Variants in CSMD2 observed in about 807,000 individuals in gnomAD.
CSMD2 encodes CUB and Sushi multiple domains 2.
A neutral mutation model predicts 398.5 loss-of-function variants in CSMD2; 130 were observed. The observed-to-expected ratio is 0.33, with a 90% CI of 0.28 to 0.38. The LOEUF (loss-of-function observed/expected upper bound fraction) is 0.38. CSMD2 is among the 10% of genes least tolerant of loss of function. The pLI, the probability that CSMD2 is intolerant of heterozygous loss-of-function variation, is 1.00. For missense variants in CSMD2, 3,829 were observed against 4,764.9 expected, an observed-to-expected ratio of 0.80 and a Z score of 5.78; for synonymous variants, 1,828 against 1,908.5, an observed-to-expected ratio of 0.96 and a Z score of 1.10.
rs769222389 is a variant in CSMD2, at chr1:33,559,222, T to G, written c.8554+78A>C. Reference sequence around the variant, plus strand: ...CAGAATGATGCCAGAATGAATTCACTGGCTTCTTTTTCTGAGCTACAGAAC... The same window carrying G: ...CAGAATGATGCCAGAATGAATTCACGGGCTTCTTTTTCTGAGCTACAGAAC... On this transcript the variant is annotated intron_variant, in intron 54 of 70. Coordinates refer to ENST00000373381, the MANE Select transcript of CSMD2 (RefSeq NM_001281956.2). This position sits in a 1 kb window ranked among gnomAD's most constrained non-coding sequence, Gnocchi z 4.0. 2.0e-5 allele frequency: 27 copies of G among 1,322,614 alleles called. No individual in the cohort carries two copies. Among genetic ancestry groups the G allele is most frequent in the African/African-American group, 2.9e-5 (2 of 68,884 alleles). 81.9% of individuals were successfully genotyped at this position (1,322,614 alleles called of 1,614,324 possible).
At chr1:34,044,789 G>A (rs1652289299) in intron 2 of CSMD2, among the ~76,000 whole-genome samples, 1 of 152,156 alleles carries the variant, frequency 6.6e-6, no homozygotes, top group Non-Finnish European at 1.5e-5. Flanking sequence ...ATTTAAGGCT[G>A]TTAGCACATC....
chr1:33,539,301 C>T lies in CSMD2; in HGVS notation c.9631+1224G>A, dbSNP rs115231807. On this transcript the variant is annotated intron_variant, in intron 60 of 70. Transcript: ENST00000373381. ...ATTTTCAGGAATACATATTGCAGAA[C>T]TGCTTCTAACGTGATTAAGTTGGAG... is the stretch of plus-strand genomic sequence containing the variant. Among the ~76,000 whole-genome samples the T allele has an allele frequency of 8.8e-3, 1,337 of 152,270 alleles. 14 individuals are homozygous for T. Among genetic ancestry groups the T allele is most frequent in the Non-Finnish European group, 0.012 (797 of 68,022 alleles).
chr1:33,540,665 T>A lies in CSMD2; in HGVS notation c.9491A>T (p.Asn3164Ile). The change falls in exon 60 of 71, where the codon AAT (asparagine) becomes ATT (isoleucine). Residue 3164 changes from asparagine to isoleucine, a missense_variant. Asn to Ile is a moderately radical substitution (Grantham distance 149). This residue lies in a region of CSMD2 where 917 missense variants were observed against 1,199.5 expected (regional missense o/e 0.76). Transcript: ENST00000373381. The stretch of plus-strand genomic sequence containing the variant: ...GAAGTCAGACCCCACCACCTTCCCA[T>A]TGGGGATGAGCGGAGGTGGCTTGCA... ...LMCKPPPLIP[N>I]GKVVGSDFMW... 6.2e-7 allele frequency: 1 copy of A among 1,614,062 alleles called. No homozygotes were observed. Among genetic ancestry groups the A allele is most frequent in the Non-Finnish European group, 8.5e-7 (1 of 1,179,980 alleles).
chr1:33,798,660 C>G (rs1655237111), intron 10 of CSMD2, among the ~76,000 whole-genome samples: 1 of 152,136 alleles, frequency 6.6e-6, no homozygotes, highest in Non-Finnish European at 1.5e-5. Context: ...CGATGGGAAG[C>G]TATAATTCAG....
At chr1:33,925,166 T>A (rs1266393565) in intron 4 of CSMD2, among the ~76,000 whole-genome samples, 1 of 152,168 alleles carries the variant, frequency 6.6e-6, no homozygotes, top group East Asian at 1.9e-4. Flanking sequence ...TTTCTTCCAG[T>A]AGTTTTATAG....
At chr1:33,663,235 G>A in intron 25 of CSMD2, 143 bp from the exon 26 acceptor site, 1 of 642,780 alleles carries the variant, frequency 1.6e-6, no homozygotes, top group Non-Finnish European at 2.7e-6. Context: ...GGGGAGAGAA[G>A]GCAGCGTCTG....
intron 3 of CSMD2, among the ~76,000 whole-genome samples, chr1:33,937,988 T>A (rs1251197797): frequency 5.3e-5 from 8 of 152,260 alleles, no homozygotes; most frequent in Non-Finnish European, 1.0e-4. Context: ...CATATGTGCA[T>A]GTTCATTAAT....
At chr1:33,759,923 T>C (rs1461329165) in intron 13 of CSMD2, among the ~76,000 whole-genome samples, 1 of 152,196 alleles carries the variant, frequency 6.6e-6, no homozygotes, top group African/African-American at 2.4e-5. Flanking sequence ...GTAGCAGCTA[T>C]TCATGAAACT....
At position 33,537,150 on chromosome 1, in the gene CSMD2, T is replaced by C; in HGVS notation, c.9806-55A>G. On this transcript the variant is annotated intron_variant, in intron 61 of 70. Transcript: ENST00000373381. This position sits in a 1 kb window ranked among gnomAD's most constrained non-coding sequence, Gnocchi z 4.6. The stretch of plus-strand genomic sequence containing the variant: ...CATGGTCATGGAAGCCTTCACGGCC[T>C]CATCTCACTCTGGGAAATAGGTGTA... 3.2e-6 allele frequency: 5 copies of C among 1,575,090 alleles called. No individual in the cohort carries two copies. The highest frequency in any genetic ancestry group is 4.4e-6 in the Non-Finnish European group (5 of 1,144,698).
Position 34,132,243 on chromosome 1 carries a change from C to T in CSMD2, c.187+32668G>A, listed in dbSNP as rs79550526. Among the ~76,000 whole-genome samples, 7 of 152,220 alleles carry T rather than the reference C, an allele frequency of 4.6e-5. No homozygotes were observed. In the East Asian group the frequency reaches 5.8e-4, roughly 13 times the overall value. On this transcript the variant is annotated intron_variant, in intron 1 of 70. Transcript: ENST00000373381. ...GGAGAATGGGAGACCTGTGGCACCT[C>T]GTCCTGCTGACCCTTAGTCAGCTTT...
Position 33,810,795 on chromosome 1 carries a change from T to C in CSMD2, c.1394A>G (p.Tyr465Cys). ...CCACACACAGTGTGCATTGTTGTCA[T>C]ACTGAATGGGGAAATTGGGGGAGGT... ...IITSPNFPIQ[Y>C]DNNAHCVWII... Residue 465 changes from tyrosine to cysteine, a missense_variant, in exon 10 of 71, where the codon TAT becomes TGT. Physicochemically the swap from Tyr to Cys is radical, Grantham distance 194. Transcript: ENST00000373381. The C allele has an allele frequency of 6.2e-7, 1 of 1,612,758 alleles. No homozygotes were observed. The highest frequency in any genetic ancestry group is 2.2e-5 in the East Asian group (1 of 44,692).
At chr1:33,704,039 AG>A (rs1239440666) in intron 22 of CSMD2, among the ~76,000 whole-genome samples, 3 of 152,168 alleles carry the variant, frequency 2.0e-5, no homozygotes, top group African/African-American at 7.2e-5. Flanking sequence ...CATTTATTTT[AG>A]TTACATCAAT....
chr1:33,727,001 T>C (rs1646556680), intron 15 of CSMD2, among the ~76,000 whole-genome samples: 1 of 152,148 alleles, frequency 6.6e-6, no homozygotes, highest in Non-Finnish European at 1.5e-5. Flanking sequence ...CCTCACTCAA[T>C]TGTCAGGCCT....
chr1:33,983,750 T>C (rs1646251696), intron 3 of CSMD2, among the ~76,000 whole-genome samples: 1 of 152,126 alleles, frequency 6.6e-6, no homozygotes, highest in Non-Finnish European at 1.5e-5. Context: ...AGGAAGCTTG[T>C]TTCTGTGCAT....
chr1:34,136,543 G>GAT (rs1638770387), intron 1 of CSMD2, among the ~76,000 whole-genome samples: 2 of 152,172 alleles, frequency 1.3e-5, no homozygotes, highest in African/African-American at 4.8e-5. Flanking sequence ...TTACAGGCCT[G>GAT]ACATATCATG....
At chr1:33,939,533 A>C (rs10914819) in intron 3 of CSMD2, among the ~76,000 whole-genome samples, 1,536 of 152,302 alleles carry the variant, frequency 0.01, 16 homozygotes, top group African/African-American at 0.027. Flanking sequence ...GCAAAGACCC[A>C]ATTTAATTAA....
At chr1:33,871,647 C>A (rs1379228564) in intron 5 of CSMD2, among the ~76,000 whole-genome samples, 1 of 152,098 alleles carries the variant, frequency 6.6e-6, no homozygotes, top group Non-Finnish European at 1.5e-5. Flanking sequence ...GATGGAGTCT[C>A]GCTCTGTTGC....
chr1:33,628,798 T>C (rs1642286234), intron 32 of CSMD2, among the ~76,000 whole-genome samples: 1 of 151,822 alleles, frequency 6.6e-6, no homozygotes, highest in South Asian at 2.1e-4. Flanking sequence ...CACCTCCCAG[T>C]GGGCTTTTTA....
At chr1:33,643,009 G>A (rs986455523) in intron 29 of CSMD2, among the ~76,000 whole-genome samples, 1 of 152,238 alleles carries the variant, frequency 6.6e-6, no homozygotes, top group Admixed American at 6.5e-5. Context: ...GCGCTCGTAG[G>A]CCCCTTTCAC....
Sources: gnomAD v4.1 joint callset for allele counts (sites outside exome capture counted in the v4.1 genomes callset) on GRCh38, gnomAD v4.1.1 for gene constraint, gnomAD v4.1.1 regional missense constraint, Gnocchi (gnomAD v3.1) non-coding constraint, MANE v1.5 for transcripts, NCBI Gene and HGNC (gene_info 2026-07-23, HGNC 2026-07-21) for gene names.